LEKR1: variants seen among roughly 807,000 people sequenced by gnomAD.
The protein encoded by LEKR1 is leucine, glutamate and lysine rich 1.
A neutral mutation model predicts 72.4 loss-of-function variants in LEKR1; 59 were observed. The ratio of observed to expected loss-of-function variants is 0.82; its 90% CI spans 0.66 to 1.01. The LOEUF (loss-of-function observed/expected upper bound fraction) is 1.01. Among genes scored for constraint, LEKR1 ranks in the 50% least tolerant of loss-of-function variants. The pLI, the probability that LEKR1 is intolerant of heterozygous loss-of-function variation, is 0.00. For synonymous variants in LEKR1, 257 were observed against 263.2 expected, an observed-to-expected ratio of 0.98 and a Z score of 0.23; for missense variants, 728 against 759.2, an observed-to-expected ratio of 0.96 and a Z score of 0.48.
chr3:156,928,260 C>T (rs1231641360), intron 5 of LEKR1, among the ~76,000 whole-genome samples: 1 of 151,950 alleles, frequency 6.6e-6, no homozygotes, highest in Non-Finnish European at 1.5e-5. Flanking sequence ...GAATGTACAA[C>T]ATGAAGACTG....
At chr3:156,961,074 C>G (rs1728090394) in intron 6 of LEKR1, among the ~76,000 whole-genome samples, 1 of 152,190 alleles carries the variant, frequency 6.6e-6, no homozygotes, top group Non-Finnish European at 1.5e-5. Flanking sequence ...TCAAATAAGT[C>G]ACTTCAGCAT....
intron 6 of LEKR1, among the ~76,000 whole-genome samples, chr3:156,972,782 A>C (rs115026006): frequency 0.064 from 9,685 of 151,546 alleles, 355 homozygotes; most frequent in South Asian, 0.12. Flanking sequence ...AAAATAGTGA[A>C]AAATAAAATA....
chr3:156,912,670 C>A (rs1723229686), intron 3 of LEKR1, among the ~76,000 whole-genome samples: 1 of 152,168 alleles, frequency 6.6e-6, no homozygotes, highest in Non-Finnish European at 1.5e-5. Context: ...CAGTTGGTAG[C>A]TTCTTTCAAC....
chr3:156,886,477 T>C (rs962041077), intron 3 of LEKR1, among the ~76,000 whole-genome samples: 4 of 152,128 alleles, frequency 2.6e-5, no homozygotes, highest in African/African-American at 9.7e-5. Flanking sequence ...CTAAAGGAAA[T>C]TTGTACCCAG....
chr3:156,996,113 G>A lies in LEKR1; in HGVS notation c.1109+2836G>A, dbSNP rs149471944. Among the ~76,000 whole-genome samples, 24 of 151,926 alleles carry A rather than the reference G, an allele frequency of 1.6e-4. 1 individual carries two copies. In the East Asian group the frequency reaches 4.1e-3, roughly 26 times the overall value. ...TTATATGCCAGGTACTATGTACCCT[G>A]GGTACATAGTACATAGCTTATATTT... On this transcript the variant is annotated intron_variant, in intron 9 of 12. Transcript: ENST00000356539.
At chr3:156,962,629 G>T (rs553965234) in intron 6 of LEKR1, among the ~76,000 whole-genome samples, 2 of 152,208 alleles carry the variant, frequency 1.3e-5, no homozygotes, top group East Asian at 3.9e-4. Context: ...CTTTTCATTT[G>T]CTCCCAACAT....
Position 156,974,155 on chromosome 3 carries a change from G to A in LEKR1, c.746-5039G>A, listed in dbSNP as rs115242374. Among the ~76,000 whole-genome samples the A allele has an allele frequency of 4.4e-3, 674 of 152,264 alleles. 3 individuals are homozygous for A. Among genetic ancestry groups the A allele is most frequent in the African/African-American group, 0.016 (651 of 41,558 alleles). On this transcript the variant is annotated intron_variant, in intron 6 of 12. Coordinates refer to ENST00000356539, the MANE Select transcript of LEKR1 (RefSeq NM_001004316.3). Reference sequence around the variant, plus strand: ...CACTATGGTACTGGATAAGTAAAATGTGGTATGTGCACATGATGAAATATT... The same window carrying A: ...CACTATGGTACTGGATAAGTAAAATATGGTATGTGCACATGATGAAATATT...
At chr3:157,041,738 A>C (rs1435414343) in intron 12 of LEKR1, among the ~76,000 whole-genome samples, 3 of 151,944 alleles carry the variant, frequency 2.0e-5, no homozygotes, top group African/African-American at 7.3e-5. Flanking sequence ...GCCAAAGATA[A>C]TTTTATCTAA....
chr3:156,880,204 G>C (rs1227881934), intron 3 of LEKR1, among the ~76,000 whole-genome samples: 1 of 152,220 alleles, frequency 6.6e-6, no homozygotes, highest in Admixed American at 6.5e-5. Context: ...CAAAGCCACA[G>C]GGGCGGAGCT....
At chr3:157,016,501 T>C (rs1733348669) in intron 10 of LEKR1, among the ~76,000 whole-genome samples, 1 of 152,020 alleles carries the variant, frequency 6.6e-6, no homozygotes, top group Non-Finnish European at 1.5e-5. Flanking sequence ...ATCTTTCAAA[T>C]ATGAGAGTAA....
At chr3:156,891,632 G>A (rs184554163) in intron 3 of LEKR1, among the ~76,000 whole-genome samples, 4 of 152,254 alleles carry the variant, frequency 2.6e-5, no homozygotes, top group African/African-American at 9.6e-5. Context: ...TCTTGTGACA[G>A]GTACATAGCT....
chr3:156,912,884 T>G (rs1038242597), intron 3 of LEKR1, among the ~76,000 whole-genome samples: 2 of 152,170 alleles, frequency 1.3e-5, no homozygotes, highest in African/African-American at 4.8e-5. Context: ...GGTTCCCTGG[T>G]ATGAGTTTAT....
intron 3 of LEKR1, among the ~76,000 whole-genome samples, chr3:156,916,769 C>G (rs529885275): frequency 7.9e-5 from 12 of 152,092 alleles, no homozygotes; most frequent in Non-Finnish European, 1.5e-4. Flanking sequence ...CCTGATTACT[C>G]TGGTCAGAAC....
At chr3:156,858,959 G>A (rs1716422173) in intron 3 of LEKR1, among the ~76,000 whole-genome samples, 1 of 152,098 alleles carries the variant, frequency 6.6e-6, no homozygotes, top group Non-Finnish European at 1.5e-5. Context: ...TAAATGGATA[G>A]GTTGTTTTTT....
At chr3:156,953,961 T>C (rs1281974968) in intron 6 of LEKR1, among the ~76,000 whole-genome samples, 1 of 152,024 alleles carries the variant, frequency 6.6e-6, no homozygotes, top group East Asian at 1.9e-4. Flanking sequence ...TCCACAAAGG[T>C]TAAACTAATT....
chr3:156,981,248 G>A (rs1730175106), intron 7 of LEKR1, among the ~76,000 whole-genome samples: 1 of 152,160 alleles, frequency 6.6e-6, no homozygotes, highest in South Asian at 2.1e-4. Flanking sequence ...GTAAAGCAAT[G>A]AATGACTGTG....
intron 9 of LEKR1, among the ~76,000 whole-genome samples, chr3:157,010,794 T>C (rs1013852784): frequency 2.0e-5 from 3 of 152,100 alleles, no homozygotes; most frequent in African/African-American, 4.8e-5. Flanking sequence ...AAGCTAAGCA[T>C]TAAGATCTGC....
At chr3:156,865,912 C>T (rs1717259802) in intron 3 of LEKR1, among the ~76,000 whole-genome samples, 1 of 152,000 alleles carries the variant, frequency 6.6e-6, no homozygotes, top group Non-Finnish European at 1.5e-5. Flanking sequence ...GCCAGATCAT[C>T]AGGAAGACAT....
intron 3 of LEKR1, among the ~76,000 whole-genome samples, chr3:156,909,655 C>CAAA (rs10662704): frequency 3.9e-5 from 4 of 101,812 alleles, no homozygotes; most frequent in Non-Finnish European, 5.5e-5. Flanking sequence ...GAGTCTGTCT[C>CAAA]AAAAAAAAAA....
Sources: allele counts gnomAD v4.1 joint callset (sites outside exome capture counted in the v4.1 genomes callset), GRCh38; gene constraint gnomAD v4.1.1; transcripts MANE v1.5; gene names NCBI Gene and HGNC (gene_info 2026-07-23, HGNC 2026-07-21).